Variants in MYLIP observed in about 807,000 individuals in gnomAD.
The protein encoded by MYLIP is myosin regulatory light chain interacting protein, also known as E3 ubiquitin-protein ligase MYLIP.
In MYLIP, 26 loss-of-function variants were observed where a neutral mutation model predicts 45.8. The ratio of observed to expected loss-of-function variants is 0.57; its 90% CI spans 0.42 to 0.79. The LOEUF (loss-of-function observed/expected upper bound fraction) is 0.79, where lower values mean the gene tolerates loss of function less well. MYLIP is among the 30% of genes least tolerant of loss of function. The probability of loss-of-function intolerance (pLI) is 0.00; values close to 1 mark genes in which losing one functional copy is unlikely to be tolerated. For missense variants in MYLIP, 494 were observed against 555.6 expected, an observed-to-expected ratio of 0.89 and a Z score of 1.11; for synonymous variants, 213 against 218.1, an observed-to-expected ratio of 0.98 and a Z score of 0.21.
chr6:16,129,626 C>T lies in MYLIP; in HGVS notation c.87+217C>T, dbSNP rs1439197693. 8.5e-5 allele frequency among the ~76,000 whole-genome samples: 13 copies of T among 152,182 alleles called. No individual in the cohort carries two copies. Among genetic ancestry groups the T allele is most frequent in the Admixed American group, 7.9e-4 (12 of 15,280 alleles). On this transcript the variant is annotated intron_variant, in intron 1 of 6. Coordinates refer to ENST00000356840, the MANE Select transcript of MYLIP (RefSeq NM_013262.4). This position sits in a 1 kb window ranked among gnomAD's most constrained non-coding sequence, Gnocchi z 5.1. ...GGAGAAAGCGCGCAGCGGGGGTCCC[C>T]AGCGCTGAGGGCCGGGCGCAGCCCG...
At position 16,145,155 on chromosome 6, in the gene MYLIP, C is replaced by A. The variant is rs1759761494; in HGVS notation, c.1086C>A (p.Ser362Arg). The change falls in exon 6 of 7, where the codon AGC (serine) becomes AGA (arginine). Residue 362 changes from serine (S) to arginine (R), a missense_variant. Ser to Arg is a moderately radical substitution (Grantham distance 110). Transcript: ENST00000356840. The stretch of plus-strand genomic sequence containing the variant: ...CAGAAAGCAGCATGAACTGCAGCAG[C>A]TGCGAGGGCCTCAGCTGCCAGCAGA... ...KSSESSMNCS[S>R]CEGLSCQQTR... 6.2e-7 allele frequency: 1 copy of A among 1,614,218 alleles called. No homozygotes were observed. The highest frequency in any genetic ancestry group is 1.3e-5 in the African/African-American group (1 of 75,058).
downstream of MYLIP, among the ~76,000 whole-genome samples, chr6:16,150,489 G>C (rs1167987709): frequency 6.6e-6 from 1 of 152,178 alleles, no homozygotes; most frequent in African/African-American, 2.4e-5. Flanking sequence ...GAAGTGTTTT[G>C]ACTTTGGGTT....
intron 1 of MYLIP, 21 bp from the exon 2 acceptor site, chr6:16,130,535 GC>G: frequency 6.2e-7 from 1 of 1,610,718 alleles, no homozygotes; most frequent in Non-Finnish European, 8.5e-7. Context: ...GCTCATCCAG[GC>G]TGCATTCCTT....
Position 16,129,667 on chromosome 6 carries a change from C to T in MYLIP, c.87+258C>T, listed in dbSNP as rs557908911. On this transcript the variant is annotated intron_variant, in intron 1 of 6. Coordinates refer to ENST00000356840, the MANE Select transcript of MYLIP (RefSeq NM_013262.4). This position sits in a 1 kb window ranked among gnomAD's most constrained non-coding sequence, Gnocchi z 5.1. ...GCGCAGCCCGCAGCCGGGATCCACC[C>T]CCCAGCGCCCCATCATCCCCCCAAC... Among the ~76,000 whole-genome samples the T allele has an allele frequency of 6.6e-6, 1 of 152,294 alleles. No homozygotes were observed. Among genetic ancestry groups the T allele is most frequent in the South Asian group, 2.1e-4 (1 of 4,834 alleles).
Position 16,144,976 on chromosome 6 carries a change from GA to G in MYLIP, c.911del (p.Asn304ThrfsTer48). 1 of 1,614,214 alleles carries G rather than the reference GA, an allele frequency of 6.2e-7. No homozygotes were observed. The highest frequency in any genetic ancestry group is 1.1e-5 in the South Asian group (1 of 91,076). Reference protein sequence around the residue: ...KGHLASLFLNENINLGKKYVF... With the variant: ...KGHLASLFLNXNINLGKKYVF... ...CCACTTGGCATCTCTGTTTCTGAAT[GA>G]AAACATTAACCTTGGCAAGAAATAT... On this transcript the variant is annotated frameshift_variant, in exon 6 of 7. Coordinates refer to ENST00000356840, the MANE Select transcript of MYLIP (RefSeq NM_013262.4). LOFTEE classifies it high-confidence loss of function.
downstream of MYLIP, among the ~76,000 whole-genome samples, chr6:16,151,948 A>C (rs984798348): frequency 2.0e-5 from 3 of 152,384 alleles, no homozygotes; most frequent in Non-Finnish European, 4.4e-5. Flanking sequence ...AAAGATAAGC[A>C]GTTCTAAAAC....
At chr6:16,136,309 G>A (rs1452496641) in intron 2 of MYLIP, among the ~76,000 whole-genome samples, 1 of 149,346 alleles carries the variant, frequency 6.7e-6, no homozygotes, top group African/African-American at 2.5e-5. Context: ...ATGCCTGTGC[G>A]GCCTTATCTA....
At chr6:16,161,618 G>T in the MYLIP span, among the ~76,000 whole-genome samples, 5 of 152,174 alleles carry the variant, frequency 3.3e-5, no homozygotes, top group Admixed American at 6.5e-5. Context: ...TTTTTTGGCA[G>T]TCGATATTAC....
the MYLIP span, among the ~76,000 whole-genome samples, chr6:16,154,607 A>G: frequency 8.5e-5 from 13 of 152,332 alleles, no homozygotes; most frequent in South Asian, 2.7e-3. Flanking sequence ...GGGATGCTCC[A>G]AAAGGTTGAC....
In MYLIP at chr6:16,141,741, A is replaced by G. The variant is rs769525679; in HGVS notation, c.395A>G (p.Asn132Ser). The G allele has an allele frequency of 1.9e-6, 3 of 1,614,182 alleles. No homozygotes were observed. Among genetic ancestry groups the G allele is most frequent in the Non-Finnish European group, 2.5e-6 (3 of 1,180,004 alleles). Residue 132 changes from asparagine (N) to serine (S), a missense_variant, in exon 3 of 7, where the codon AAC (asparagine) becomes AGC (serine). Coordinates refer to ENST00000356840, the MANE Select transcript of MYLIP (RefSeq NM_013262.4). ...GCCCAGACCAAGTTTGGAGACTACA[A>G]CCAGAACACTGCCAAGTATAACTAT... The part of the protein sequence containing the change: ...LLAQTKFGDY[N>S]QNTAKYNYEE...
chr6:16,143,570 G>T, intron 4 of MYLIP, 129 bp from the exon 5 acceptor site: 1 of 932,058 alleles, frequency 1.1e-6, no homozygotes. Flanking sequence ...TTATGGTGAT[G>T]TGATAACCCC....
Position 16,134,606 on chromosome 6 carries a change from T to C in MYLIP, c.278+3859T>C, listed in dbSNP as rs79871226. The stretch of plus-strand genomic sequence containing the variant: ...ATAGCATCACTTTAACTGCAACCCA[T>C]TTATAGTCCTAAGTACATATTAACT... On this transcript the variant is annotated intron_variant, in intron 2 of 6. Coordinates refer to ENST00000356840, the MANE Select transcript of MYLIP (RefSeq NM_013262.4). 0.023 allele frequency among the ~76,000 whole-genome samples: 3,520 copies of C among 152,286 alleles called. 272 individuals are homozygous for C. In the East Asian group the frequency reaches 0.3, roughly 13 times the overall value.
At position 16,129,118 on chromosome 6, in the gene MYLIP, A is replaced by G; in HGVS notation, c.-205A>G. 1.8e-6 allele frequency: 1 copy of G among 560,204 alleles called. No individual in the cohort carries two copies. The highest frequency in any genetic ancestry group is 3.1e-6 in the Non-Finnish European group (1 of 318,404). 34.7% of individuals were successfully genotyped at this position (560,204 alleles called of 1,614,324 possible). A position where few individuals can be genotyped will look rare whatever the true frequency, so the allele number is the denominator to read the frequency against. The stretch of plus-strand genomic sequence containing the variant: ...CTGCTGGAGTGCGGCGCCACCGCGG[A>G]GGACAGGGGCAGCTGGCGGGCAGCG... On this transcript the variant is annotated 5_prime_UTR_variant, in exon 1 of 7. Coordinates refer to ENST00000356840, the MANE Select transcript of MYLIP (RefSeq NM_013262.4). The surrounding 1 kb of genome is among the most constrained non-coding windows in gnomAD (Gnocchi z 5.1).
At chr6:16,149,715 G>C (rs926863330), downstream of MYLIP, among the ~76,000 whole-genome samples, 1 of 152,208 alleles carries the variant, frequency 6.6e-6, no homozygotes, top group Non-Finnish European at 1.5e-5. Flanking sequence ...AGAAGTCCAA[G>C]AGCAGAAAGA....
the MYLIP span, chr6:16,163,227 C>A: frequency 3.3e-5 from 5 of 152,310 alleles, no homozygotes; most frequent in African/African-American, 1.2e-4. Context: ...TTCCTATTAC[C>A]TGCAGCCAAA....
At chr6:16,134,064 A>C (rs552856627) in intron 2 of MYLIP, among the ~76,000 whole-genome samples, 29 of 152,278 alleles carry the variant, frequency 1.9e-4, no homozygotes, top group African/African-American at 6.5e-4. Context: ...TTGGGAGACT[A>C]AACTCCCCCA....
At chr6:16,131,045 AAAAG>A (rs1316917102) in intron 2 of MYLIP, among the ~76,000 whole-genome samples, 2 of 151,626 alleles carry the variant, frequency 1.3e-5, no homozygotes, top group Non-Finnish European at 2.9e-5. Flanking sequence ...AAAAAAAAAA[AAAAG>A]AAACCACCCT....
At position 16,129,460 on chromosome 6, in the gene MYLIP, G is replaced by A; in HGVS notation, c.87+51G>A. ...CCCGGCGGGTCCCGCGAGGCCGAGG[G>A]GCCTCGCAGCGACGCCTGGCACTCT... On this transcript the variant is annotated intron_variant, in intron 1 of 6. Transcript: ENST00000356840. The surrounding 1 kb of genome is among the most constrained non-coding windows in gnomAD (Gnocchi z 5.1). The A allele has an allele frequency of 6.5e-7, 1 of 1,530,130 alleles. No homozygotes were observed. Among genetic ancestry groups the A allele is most frequent in the Non-Finnish European group, 8.8e-7 (1 of 1,131,168 alleles). The allele number at this position is 1,530,130 out of a possible 1,614,324, so 94.8% of individuals were successfully genotyped here.
downstream of MYLIP, among the ~76,000 whole-genome samples, chr6:16,148,545 A>G (rs912386850): frequency 6.6e-6 from 1 of 151,034 alleles, no homozygotes; most frequent in Non-Finnish European, 1.5e-5. Context: ...TTGGGTGGTT[A>G]GATTGGTATG....
Sources: allele counts gnomAD v4.1 joint callset (sites outside exome capture counted in the v4.1 genomes callset), GRCh38; gene constraint gnomAD v4.1.1; non-coding constraint Gnocchi (gnomAD v3.1); transcripts MANE v1.5; gene names NCBI Gene and HGNC (gene_info 2026-07-23, HGNC 2026-07-21).